The following TTC28 variants were observed in gnomAD, a reference collection of about 807,000 sequenced individuals.
TTC28 encodes tetratricopeptide repeat domain 28, also known as tetratricopeptide repeat protein 28.
Under a neutral mutation model 198.0 loss-of-function variants are expected in TTC28, and 61 were observed. That is an observed-to-expected ratio of 0.31 (90% confidence interval 0.25 to 0.38). The LOEUF (loss-of-function observed/expected upper bound fraction) is 0.38, where lower values mean the gene tolerates loss of function less well. Ranked by LOEUF, TTC28 falls within the 10% of genes least tolerant of loss-of-function variation. The pLI is 1.00. For missense variants in TTC28, 2,678 were observed against 3,164.0 expected (o/e 0.85, Z 3.69); for synonymous variants, 1,171 against 1,297.8 (o/e 0.90, Z 2.10).
intron 2 of TTC28, among the ~76,000 whole-genome samples, chr22:28,569,298 C>A (rs896995422): frequency 2.0e-5 from 3 of 152,092 alleles, no homozygotes; most frequent in African/African-American, 4.8e-5. Flanking sequence ...AACAATACGA[C>A]AAGGCTACAG....
At chr22:28,262,880 G>T (rs776001471) in intron 5 of TTC28, among the ~76,000 whole-genome samples, 5 of 152,122 alleles carry the variant, frequency 3.3e-5, no homozygotes, top group Non-Finnish European at 7.4e-5. Flanking sequence ...GAGACTACCA[G>T]AGGTCCAATG....
chr22:28,421,933 C>CAAAA (rs3884802), intron 2 of TTC28, among the ~76,000 whole-genome samples: 1 of 75,366 alleles, frequency 1.3e-5, no homozygotes. Context: ...GACTCCGTCT[C>CAAAA]AAAAAAAAAA....
chr22:27,993,222 G>T, intron 18 of TTC28, 65 bp downstream of exon 18: 1 of 1,389,738 alleles, frequency 7.2e-7, no homozygotes, highest in Non-Finnish European at 9.5e-7. Context: ...CGGGGCCCAA[G>T]GCCACCAACT....
At chr22:28,376,934 G>A (rs1027887948) in intron 2 of TTC28, among the ~76,000 whole-genome samples, 2 of 152,096 alleles carry the variant, frequency 1.3e-5, no homozygotes, top group African/African-American at 2.4e-5. Context: ...AGAGCTCATA[G>A]AAACAGGAAT....
intron 6 of TTC28, among the ~76,000 whole-genome samples, chr22:28,111,315 G>A (rs1480510740): frequency 6.6e-6 from 1 of 152,118 alleles, no homozygotes. Context: ...GGAAGGATCA[G>A]GGTTTTTCCG....
intron 5 of TTC28, among the ~76,000 whole-genome samples, chr22:28,224,733 C>T (rs1928158682): frequency 6.6e-6 from 1 of 152,064 alleles, no homozygotes; most frequent in Non-Finnish European, 1.5e-5. Flanking sequence ...AGTGATCTCC[C>T]CTTCATTCTA....
At chr22:28,533,702 C>T (rs376818808) in intron 2 of TTC28, among the ~76,000 whole-genome samples, 13 of 152,098 alleles carry the variant, frequency 8.5e-5, no homozygotes, top group African/African-American at 3.1e-4. Context: ...GTGCTGGTAC[C>T]AAAACAGAGA....
chr22:28,638,836 T>C (rs113946564), intron 1 of TTC28, among the ~76,000 whole-genome samples: 3,010 of 152,300 alleles, frequency 0.02, 31 homozygotes, highest in Non-Finnish European at 0.027. Flanking sequence ...CATACATTCA[T>C]ACATTATTGG....
intron 12 of TTC28, among the ~76,000 whole-genome samples, chr22:28,055,776 T>A (rs537918541): frequency 6.6e-6 from 1 of 152,250 alleles, no homozygotes; most frequent in South Asian, 2.1e-4. Context: ...TTTCTCCCCA[T>A]GACCATCATT....
intron 2 of TTC28, among the ~76,000 whole-genome samples, chr22:28,493,778 T>C (rs1046344414): frequency 6.6e-6 from 1 of 152,136 alleles, no homozygotes; most frequent in Non-Finnish European, 1.5e-5. Context: ...TCCCTATCAG[T>C]TTCTAGGAAA....
At chr22:28,121,906 T>C (rs1445201552) in intron 6 of TTC28, among the ~76,000 whole-genome samples, 12 of 152,208 alleles carry the variant, frequency 7.9e-5, no homozygotes. Context: ...CTTGCTCTAT[T>C]ATCCAGGCTG....
At chr22:28,160,025 C>T (rs1920997346) in intron 6 of TTC28, among the ~76,000 whole-genome samples, 2 of 151,988 alleles carry the variant, frequency 1.3e-5, no homozygotes, top group African/African-American at 2.4e-5. Flanking sequence ...AAGTCATGGA[C>T]ATAAATAATA....
In TTC28 at chr22:27,999,204, G is replaced by A; in HGVS notation, c.4455C>T (p.Val1485=). The A allele has an allele frequency of 6.4e-7, 1 of 1,550,990 alleles. No homozygotes were observed. ...CCGATGGTAGCTTGGGGTTGCCGAT[G>A]ACAGCCGCCATGGATGTGGAGCTGG... ...TYSSSTSMAA[V]IGNPKLPSAV... Residue 1485 remains valine, a synonymous_variant, in exon 16 of 23, where the codon GTC becomes GTT. Transcript: ENST00000397906.
chr22:28,522,615 T>A (rs2048930757), intron 2 of TTC28, among the ~76,000 whole-genome samples: 2 of 151,938 alleles, frequency 1.3e-5, no homozygotes, highest in South Asian at 4.2e-4. Context: ...ATAGATGGGT[T>A]TAACAACAGA....
intron 2 of TTC28, among the ~76,000 whole-genome samples, chr22:28,502,862 T>A (rs2048556020): frequency 1.3e-5 from 2 of 152,168 alleles, no homozygotes; most frequent in Non-Finnish European, 1.5e-5. Context: ...ATCTTATTAA[T>A]AAAAATTCAT....
intron 2 of TTC28, among the ~76,000 whole-genome samples, chr22:28,555,506 C>T (rs2049772420): frequency 6.6e-6 from 1 of 152,158 alleles, no homozygotes; most frequent in Non-Finnish European, 1.5e-5. Flanking sequence ...TGGAATACTA[C>T]TCAGCCATAA....
At chr22:28,072,515 G>A (rs993511737) in intron 12 of TTC28, among the ~76,000 whole-genome samples, 44 of 152,184 alleles carry the variant, frequency 2.9e-4, no homozygotes, top group Admixed American at 2.0e-3. Context: ...TGTGTACCCA[G>A]ACTCTTCTAA....
At chr22:28,675,737 A>T (rs1206919272) in intron 1 of TTC28, among the ~76,000 whole-genome samples, 250 of 124,846 alleles carry the variant, frequency 2.0e-3, no homozygotes, top group Non-Finnish European at 3.1e-3. Context: ...AAACCCTGTC[A>T]CACACACACA....
intron 1 of TTC28, among the ~76,000 whole-genome samples, chr22:28,649,446 T>A (rs1007709204): frequency 6.6e-6 from 1 of 152,200 alleles, no homozygotes; most frequent in African/African-American, 2.4e-5. Context: ...ATAGTTTTTA[T>A]AACCTGCTGA....
Sources: allele counts gnomAD v4.1 joint callset (sites outside exome capture counted in the v4.1 genomes callset), GRCh38; gene constraint gnomAD v4.1.1; transcripts MANE v1.5; gene names NCBI Gene and HGNC (gene_info 2026-07-23, HGNC 2026-07-21).